The following STAM variants were observed in gnomAD, a reference collection of about 807,000 sequenced individuals.
The protein encoded by STAM is signal transducing adapter molecule 1.
In STAM, 16 loss-of-function variants were observed where a neutral mutation model predicts 63.4. The ratio of observed to expected loss-of-function variants is 0.25; its 90% CI spans 0.17 to 0.38. The LOEUF (loss-of-function observed/expected upper bound fraction) is 0.38, where lower values mean the gene tolerates loss of function less well. Among genes scored for constraint, STAM ranks in the 10% least tolerant of loss-of-function variants. The pLI, the probability that STAM is intolerant of heterozygous loss-of-function variation, is 1.00. For synonymous variants in STAM, 238 were observed against 223.9 expected (o/e 1.06, Z -0.56); for missense variants, 636 against 657.1 (o/e 0.97, Z 0.35).
rs782304224 is a variant in STAM at position 17,705,617 on chromosome 10, T to A, written c.1085T>A (p.Val362Glu). 1.9e-6 allele frequency: 3 copies of A among 1,613,340 alleles called. No homozygotes were observed. The African/African-American group carries it at 4.0e-5, about 22-fold the overall frequency. Residue 362 changes from valine to glutamate, a missense_variant, in exon 12 of 14, where the codon GTG (valine) becomes GAG (glutamate). By Grantham distance (121) the Val-to-Glu change is moderately radical. Around this residue, in one of 3 missense-constraint regions of STAM, gnomAD observed 532 missense variants for 536.9 expected, o/e 0.99. Transcript: ENST00000377524. Reference protein sequence around the residue: ...RKHSELSELNVKVMEALSLYT... With the variant: ...RKHSELSELNEKVMEALSLYT... The stretch of plus-strand genomic sequence containing the variant: ...CATTCAGAACTCTCAGAACTTAATG[T>A]GAAAGTGATGGAGGCCCTTTCCTTA...
In STAM at chr10:17,704,345, A is replaced by G. The variant is rs1836155307; in HGVS notation, c.913-86A>G. ...GGAGTCTCCATAACTATGAATTTCA[A>G]AAGTTTGTCTAGTTGATAATAAAGT... On this transcript the variant is annotated intron_variant, in intron 9 of 13. Transcript: ENST00000377524. 4 of 1,197,706 alleles carry G rather than the reference A, an allele frequency of 3.3e-6. No individual in the cohort carries two copies. The East Asian group carries it at 7.0e-5, about 21-fold the overall frequency. 74.2% of individuals were successfully genotyped at this position (1,197,706 alleles called of 1,614,324 possible). A position where few individuals can be genotyped will look rare whatever the true frequency, so the allele number is the denominator to read the frequency against.
Position 17,716,717 on chromosome 10 carries a change from C to A in STAM, c.*1937C>A, listed in dbSNP as rs1217408454. Among the ~76,000 whole-genome samples, 1 of 152,080 alleles carries A rather than the reference C, an allele frequency of 6.6e-6. No homozygotes were observed. Among genetic ancestry groups the A allele is most frequent in the Admixed American group, 6.6e-5 (1 of 15,266 alleles). On this transcript the variant is annotated 3_prime_UTR_variant, in exon 14 of 14. Transcript: ENST00000377524. ...ACTATGATTTTTGCCCTATAAAAGTCAAGTAACAGTGAATAGAAAAAACTA... is the reference window on the plus strand; with the variant it reads ...ACTATGATTTTTGCCCTATAAAAGTAAAGTAACAGTGAATAGAAAAAACTA...
chr10:17,646,018 C>T (rs541462194), intron 1 of STAM, among the ~76,000 whole-genome samples: 23 of 152,264 alleles, frequency 1.5e-4, no homozygotes, highest in Non-Finnish European at 2.5e-4. Context: ...ATGTCAAACC[C>T]GTTCCTAGTA....
At chr10:17,711,567 T>A (rs531952030) in intron 13 of STAM, among the ~76,000 whole-genome samples, 18 of 152,292 alleles carry the variant, frequency 1.2e-4, no homozygotes, top group Non-Finnish European at 5.9e-5. Context: ...TGAGGAAGTT[T>A]TCCAAGAGGG....
chr10:17,647,607 G>A (rs920816221), intron 1 of STAM, among the ~76,000 whole-genome samples: 2 of 151,946 alleles, frequency 1.3e-5, no homozygotes, highest in African/African-American at 2.4e-5. Context: ...GCTGCTTACC[G>A]GTAGTGTGAT....
chr10:17,706,309 A>C (rs1333568879), intron 12 of STAM, among the ~76,000 whole-genome samples: 1 of 150,882 alleles, frequency 6.6e-6, no homozygotes, highest in African/African-American at 2.4e-5. Context: ...TTTGAAAAAA[A>C]TTACAGATAT....
chr10:17,676,780 G>T (rs1834874780), intron 2 of STAM, among the ~76,000 whole-genome samples: 1 of 152,042 alleles, frequency 6.6e-6, no homozygotes, highest in Non-Finnish European at 1.5e-5. Context: ...ATTTGTCATT[G>T]GAAGGATAAT....
chr10:17,706,762 A>G (rs902029479), intron 12 of STAM, among the ~76,000 whole-genome samples: 5 of 152,150 alleles, frequency 3.3e-5, no homozygotes, highest in Admixed American at 6.5e-5. Flanking sequence ...CTCAATATGT[A>G]TAGCCTTTTG....
At position 17,708,771 on chromosome 10, in the gene STAM, C is replaced by A. The variant is rs184088115; in HGVS notation, c.1210-5C>A. 4 of 1,605,094 alleles carry A rather than the reference C, an allele frequency of 2.5e-6. No homozygotes were observed. In the Admixed American group the frequency reaches 5.1e-5, roughly 20 times the overall value. On this transcript the variant is annotated splice_region_variant and splice_polypyrimidine_tract_variant and intron_variant, in intron 12 of 13. Coordinates refer to ENST00000377524, the MANE Select transcript of STAM (RefSeq NM_003473.4). ...TTGAATATGATTTCTCTTTAACCAT[C>A]GCAGGTGTATGCAGGGCCTCCTCCA...
chr10:17,691,951 TATTACCTCTAC>T, intron 5 of STAM, among the ~76,000 whole-genome samples: 1 of 152,364 alleles, frequency 6.6e-6, no homozygotes, highest in Non-Finnish European at 1.5e-5. Context: ...TTGTCATGTG[TATTACCTCTAC>T]ATACGTTATA....
At chr10:17,712,084 G>C (rs559676937) in intron 13 of STAM, among the ~76,000 whole-genome samples, 1 of 152,348 alleles carries the variant, frequency 6.6e-6, no homozygotes, top group Admixed American at 6.5e-5. Flanking sequence ...CAACTGGGTG[G>C]ACGGTGGAAC....
At chr10:17,714,446 C>CT (rs1836711419) in intron 13 of STAM, 97 bp from the exon 14 acceptor site, 1 of 1,129,932 alleles carries the variant, frequency 8.9e-7, no homozygotes, top group South Asian at 1.3e-5. Flanking sequence ...AATGAATTGA[C>CT]TATATGAATG....
At chr10:17,706,777 T>A (rs1051022099) in intron 12 of STAM, among the ~76,000 whole-genome samples, 3 of 152,106 alleles carry the variant, frequency 2.0e-5, no homozygotes, top group Non-Finnish European at 4.4e-5. Context: ...CTTTTGCAGG[T>A]CAGACATATC....
chr10:17,681,574 G>A (rs1419497465), intron 2 of STAM, among the ~76,000 whole-genome samples: 1 of 152,096 alleles, frequency 6.6e-6, no homozygotes, highest in Non-Finnish European at 1.5e-5. Context: ...ATTTATAGAT[G>A]TTGATAATGT....
chr10:17,651,490 A>G (rs974055201), intron 1 of STAM, among the ~76,000 whole-genome samples: 6 of 152,340 alleles, frequency 3.9e-5, no homozygotes, highest in Admixed American at 6.5e-5. Flanking sequence ...GAATACAAGT[A>G]TGTTAACCAT....
chr10:17,704,672 G>A (rs1836175097), intron 10 of STAM, among the ~76,000 whole-genome samples, 154 bp downstream of exon 10: 1 of 152,140 alleles, frequency 6.6e-6, no homozygotes, highest in South Asian at 2.1e-4. Context: ...TTGAAACCTT[G>A]GGTAGAATTT....
intron 12 of STAM, among the ~76,000 whole-genome samples, chr10:17,706,604 C>T (rs1203406667): frequency 6.6e-6 from 1 of 152,030 alleles, no homozygotes; most frequent in Non-Finnish European, 1.5e-5. Context: ...TGGCCTTGAT[C>T]TCCTGACCTC....
intron 2 of STAM, among the ~76,000 whole-genome samples, chr10:17,677,620 A>T (rs553897035): frequency 6.6e-6 from 1 of 152,360 alleles, no homozygotes; most frequent in South Asian, 2.1e-4. Context: ...CTTCAGTCTA[A>T]TGATGCTGCT....
chr10:17,714,493 T>A, intron 13 of STAM, 50 bp from the exon 14 acceptor site: 1 of 1,517,904 alleles, frequency 6.6e-7, no homozygotes, highest in Non-Finnish European at 9.1e-7. Flanking sequence ...TATCTGTAGT[T>A]GCTCTATAAA....
Sources: gnomAD v4.1 joint callset for allele counts (sites outside exome capture counted in the v4.1 genomes callset) on GRCh38, gnomAD v4.1.1 for gene constraint, gnomAD v4.1.1 regional missense constraint, MANE v1.5 for transcripts, NCBI Gene and HGNC (gene_info 2026-07-23, HGNC 2026-07-21) for gene names.